NRXN3: variants seen among roughly 807,000 people sequenced by gnomAD.
NRXN3 encodes the protein neurexin III.
Under a neutral mutation model 137.6 loss-of-function variants are expected in NRXN3, and 32 were observed. The observed-to-expected ratio is 0.23, with a 90% CI of 0.18 to 0.31. The LOEUF is 0.31. Among genes scored for constraint, NRXN3 ranks in the 10% least tolerant of loss-of-function variants. NRXN3 has a pLI of 1.00. For missense variants in NRXN3, 1,574 were observed against 2,062.5 expected (o/e 0.76, Z 4.59); for synonymous variants, 798 against 784.5 (o/e 1.02, Z -0.29).
At chr14:78,967,537 A>ATTATTAAT in intron 13 of NRXN3, 139 bp downstream of exon 13, 2 of 654,784 alleles carry the variant, frequency 3.1e-6, no homozygotes, top group Non-Finnish European at 5.3e-6. Context: ...ATGTTGAATT[A>ATTATTAAT]TCCTGTAATG....
intron 8 of NRXN3, among the ~76,000 whole-genome samples, chr14:78,765,972 C>T (rs1176982800): frequency 6.6e-6 from 1 of 152,136 alleles, no homozygotes; most frequent in Admixed American, 6.5e-5. Context: ...TGGAATCCTT[C>T]AGCAGACTGA....
intron 4 of NRXN3, among the ~76,000 whole-genome samples, chr14:78,499,850 A>C (rs1456860749): frequency 2.6e-5 from 4 of 152,088 alleles, no homozygotes; most frequent in Non-Finnish European, 4.4e-5. Flanking sequence ...TGGCAGCTTC[A>C]CCAAAGTCAT....
At chr14:78,840,570 A>G (rs2099009538) in intron 10 of NRXN3, among the ~76,000 whole-genome samples, 1 of 152,156 alleles carries the variant, frequency 6.6e-6, no homozygotes, top group South Asian at 2.1e-4. Context: ...CATGCTCATC[A>G]CAGGTTGGCA....
intron 2 of NRXN3, among the ~76,000 whole-genome samples, chr14:78,256,745 A>C (rs1157939257): frequency 6.6e-6 from 1 of 152,258 alleles, no homozygotes; most frequent in Non-Finnish European, 1.5e-5. Flanking sequence ...ATGCATTGAT[A>C]ACTCATATGC....
chr14:79,790,472 A>T (rs562263130), intron 19 of NRXN3, among the ~76,000 whole-genome samples: 3 of 150,788 alleles, frequency 2.0e-5, no homozygotes, highest in Admixed American at 6.6e-5. Context: ...CTAATGTTTA[A>T]TTTTTTTTTA....
At chr14:78,834,051 CAGT>C (rs1055527323) in intron 10 of NRXN3, among the ~76,000 whole-genome samples, 2 of 152,038 alleles carry the variant, frequency 1.3e-5, no homozygotes, top group Admixed American at 6.6e-5. Flanking sequence ...GGTGGGAACA[CAGT>C]AGGTGGGTTT....
intron 20 of NRXN3, among the ~76,000 whole-genome samples, chr14:79,835,168 G>A (rs991838827): frequency 6.6e-6 from 1 of 152,182 alleles, no homozygotes; most frequent in South Asian, 2.1e-4. Flanking sequence ...CACTAAGGGA[G>A]TAGATTTTAA....
At chr14:78,988,773 G>A (rs7147613) in intron 15 of NRXN3, among the ~76,000 whole-genome samples, 10 of 76,606 alleles carry the variant, frequency 1.3e-4, no homozygotes, top group African/African-American at 3.5e-4. Flanking sequence ...GTATATATAT[G>A]TGTGTGTGTG....
At chr14:79,837,018 A>C (rs147167810) in intron 20 of NRXN3, among the ~76,000 whole-genome samples, 103 of 152,240 alleles carry the variant, frequency 6.8e-4, no homozygotes, top group African/African-American at 2.4e-3. Flanking sequence ...AGTATCCTAC[A>C]TTATTCCAGG....
intron 10 of NRXN3, among the ~76,000 whole-genome samples, chr14:78,885,179 T>C (rs2099140004): frequency 1.3e-5 from 2 of 148,460 alleles, no homozygotes; most frequent in Non-Finnish European, 3.0e-5. Flanking sequence ...TATATAAATA[T>C]ACATTATATA....
intron 19 of NRXN3, 100 bp downstream of exon 19, chr14:79,698,037 T>A (rs1342130129): frequency 2.8e-6 from 3 of 1,076,514 alleles, no homozygotes. Context: ...TGAATTACTA[T>A]GTAAGAAGGA....
At chr14:79,717,123 A>C (rs772016852) in intron 19 of NRXN3, among the ~76,000 whole-genome samples, 8 of 152,142 alleles carry the variant, frequency 5.3e-5, no homozygotes, top group Non-Finnish European at 7.3e-5. Context: ...GTCACCACTT[A>C]GTGAATGCTA....
chr14:78,862,536 T>C (rs2099075372), intron 10 of NRXN3, among the ~76,000 whole-genome samples: 1 of 152,130 alleles, frequency 6.6e-6, no homozygotes, highest in African/African-American at 2.4e-5. Context: ...ATTAAATTTG[T>C]TGTATGGTCT....
chr14:79,186,121 A>G (rs1019719446), intron 15 of NRXN3, among the ~76,000 whole-genome samples: 4 of 152,170 alleles, frequency 2.6e-5, no homozygotes, highest in African/African-American at 9.7e-5. Flanking sequence ...AATAGTTAGA[A>G]TAGTATTTGC....
Position 79,682,487 on chromosome 14 carries a change from A to G in NRXN3, c.3617-9686A>G, listed in dbSNP as rs568423275. On this transcript the variant is annotated intron_variant, in intron 17 of 20. Transcript: ENST00000335750. ...TTAATAGTGTATATCTGACCTTTGA[A>G]TCTTGCACTAAATGATACATGGCTG... Among the ~76,000 whole-genome samples the G allele has an allele frequency of 1.1e-3, 163 of 152,264 alleles. 1 individual carries two copies. Among genetic ancestry groups the G allele is most frequent in the Middle Eastern group, 3.4e-3 (1 of 294 alleles).
intron 16 of NRXN3, among the ~76,000 whole-genome samples, chr14:79,548,333 C>G (rs1204987149): frequency 6.6e-6 from 1 of 152,126 alleles, no homozygotes; most frequent in Non-Finnish European, 1.5e-5. Flanking sequence ...ATGATGGTTT[C>G]CAGCTTCACC....
At chr14:78,724,434 A>C (rs2098473979) in intron 8 of NRXN3, among the ~76,000 whole-genome samples, 1 of 152,206 alleles carries the variant, frequency 6.6e-6, no homozygotes, top group Non-Finnish European at 1.5e-5. Context: ...TTGTGTAATT[A>C]CTTATCTTGC....
chr14:79,281,024 T>G (rs1476647218), intron 15 of NRXN3, among the ~76,000 whole-genome samples: 1 of 152,146 alleles, frequency 6.6e-6, no homozygotes, highest in African/African-American at 2.4e-5. Flanking sequence ...TAAAGTAGCC[T>G]GTGTGGTAAT....
intron 6 of NRXN3, among the ~76,000 whole-genome samples, chr14:78,694,518 T>C (rs1267431423): frequency 6.6e-6 from 1 of 151,928 alleles, no homozygotes; most frequent in African/African-American, 2.4e-5. Context: ...AAGAATTAGA[T>C]AGCCTCCAGC....
Sources: gnomAD v4.1 joint callset for allele counts (sites outside exome capture counted in the v4.1 genomes callset) on GRCh38, gnomAD v4.1.1 for gene constraint, MANE v1.5 for transcripts, NCBI Gene and HGNC (gene_info 2026-07-23, HGNC 2026-07-21) for gene names.